Variants in IL17RD observed in about 807,000 individuals in gnomAD.
IL17RD encodes interleukin-17 receptor D.
A neutral mutation model predicts 80.5 loss-of-function variants in IL17RD; 52 were observed. That is an observed-to-expected ratio of 0.65 (90% CI 0.52 to 0.81). The LOEUF (loss-of-function observed/expected upper bound fraction) is 0.81. IL17RD is among the 40% of genes least tolerant of loss of function. IL17RD has a pLI of 0.00. For missense variants in IL17RD, 1,024 were observed against 955.1 expected (o/e 1.07, Z -0.95); for synonymous variants, 416 against 391.8 (o/e 1.06, Z -0.73).
At chr3:57,126,154 T>G (rs544387316) in intron 1 of IL17RD, among the ~76,000 whole-genome samples, 19 of 152,352 alleles carry the variant, frequency 1.2e-4, no homozygotes, top group Middle Eastern at 3.4e-3. Context: ...GCCTGTTACT[T>G]GAAAACTATA....
intron 1 of IL17RD, among the ~76,000 whole-genome samples, chr3:57,157,927 G>T (rs1008285326): frequency 6.6e-6 from 1 of 152,016 alleles, no homozygotes. Context: ...TTCAATGGGG[G>T]GAAAAGATCT....
In IL17RD at chr3:57,091,976, A is replaced by G. The variant is rs1706565011; in HGVS notation, c.*4417T>C. 1.3e-5 allele frequency: 2 copies of G among 152,482 alleles called. No homozygotes were observed. Among genetic ancestry groups the G allele is most frequent in the African/African-American group, 4.8e-5 (2 of 41,452 alleles). 9.4% of individuals were successfully genotyped at this position (152,482 alleles called of 1,614,324 possible). A position where few individuals can be genotyped will look rare whatever the true frequency, so the allele number is the denominator to read the frequency against. ...TTTCCTTTTGTCTATTTTCACTCTG[A>G]GCCTGGAAAGGAGGTGATATGGCAA... On this transcript the variant is annotated 3_prime_UTR_variant, in exon 13 of 13. Transcript: ENST00000296318.
At chr3:57,123,818 T>G (rs1359122891) in intron 1 of IL17RD, among the ~76,000 whole-genome samples, 1 of 152,076 alleles carries the variant, frequency 6.6e-6, no homozygotes, top group Non-Finnish European at 1.5e-5. Context: ...CCGAGGCAGG[T>G]GGATCACCTG....
At chr3:57,169,996 C>T (rs1312446869), upstream of IL17RD, among the ~76,000 whole-genome samples, 2 of 152,200 alleles carry the variant, frequency 1.3e-5, no homozygotes, top group African/African-American at 2.4e-5. Flanking sequence ...AACCGGACCC[C>T]GATCGCCTGG....
chr3:57,119,224 C>T (rs551887466), intron 2 of IL17RD, among the ~76,000 whole-genome samples: 4 of 152,144 alleles, frequency 2.6e-5, no homozygotes, highest in South Asian at 2.1e-4. Context: ...TGGTGGCAGG[C>T]GCCTGTAGTC....
chr3:57,154,283 T>TATATATATATATATACACACACACAC (rs904157398), intron 1 of IL17RD, among the ~76,000 whole-genome samples: 2 of 112,906 alleles, frequency 1.8e-5, no homozygotes, highest in African/African-American at 6.3e-5. Flanking sequence ...TATATATATA[T>TATATATATATATATACACACACACAC]ACACACACAC....
intron 1 of IL17RD, among the ~76,000 whole-genome samples, chr3:57,154,283 T>TACACATATACACACAC (rs1553628628): frequency 0.031 from 3,490 of 112,824 alleles, 65 homozygotes; most frequent in South Asian, 0.065. Flanking sequence ...TATATATATA[T>TACACATATACACACAC]ACACACACAC....
At chr3:57,154,820 AT>A (rs1007894201) in intron 1 of IL17RD, among the ~76,000 whole-genome samples, 1 of 151,366 alleles carries the variant, frequency 6.6e-6, no homozygotes, top group African/African-American at 2.4e-5. Flanking sequence ...AGGCAATGCC[AT>A]TTTTTTTTGT....
At chr3:57,161,732 G>GA (rs2060306771) in intron 1 of IL17RD, among the ~76,000 whole-genome samples, 1 of 152,202 alleles carries the variant, frequency 6.6e-6, no homozygotes, top group Non-Finnish European at 1.5e-5. Flanking sequence ...AGGGGAGGGA[G>GA]AACTTCAGTA....
At position 57,127,412 on chromosome 3, in the gene IL17RD, A is replaced by ATATATTTT. The variant is rs1246159104; in HGVS notation, c.127-7100_127-7099insAAAATATA. Among the ~76,000 whole-genome samples the ATATATTTT allele has an allele frequency of 1.0e-3, 92 of 91,188 alleles. 3 individuals are homozygous for ATATATTTT. The highest frequency in any genetic ancestry group is 4.2e-3 in the African/African-American group (85 of 20,466). 59.8% of individuals were successfully genotyped at this position (91,188 alleles called of 152,430 possible). On this transcript the variant is annotated intron_variant, in intron 1 of 12. Coordinates refer to ENST00000296318, the MANE Select transcript of IL17RD (RefSeq NM_017563.5). ...AATAAATAAATATATATATATATAT[A>ATATATTTT]TTTTTTTTTTGAGATAAGAGTCTTG...
chr3:57,145,925 AT>A (rs938066308), intron 1 of IL17RD, among the ~76,000 whole-genome samples: 2 of 151,952 alleles, frequency 1.3e-5, no homozygotes, highest in African/African-American at 4.8e-5. Context: ...CAAGATCGGG[AT>A]TTTTTTTAAA....
Position 57,105,934 on chromosome 3 carries a change from T to C in IL17RD, c.670A>G (p.Asn224Asp). The C allele has an allele frequency of 1.2e-6, 2 of 1,613,790 alleles. No individual in the cohort carries two copies. Among genetic ancestry groups the C allele is most frequent in the African/African-American group, 2.7e-5 (2 of 74,896 alleles). Residue 224 changes from asparagine to aspartate, a missense_variant, in exon 7 of 13, where the codon AAC (asparagine) becomes GAC (aspartate). Physicochemically the swap from Asn to Asp is conservative, Grantham distance 23 (BLOSUM62 1). Coordinates refer to ENST00000296318, the MANE Select transcript of IL17RD (RefSeq NM_017563.5). ...MQVSFDHAPH[N>D]FGFRFFYLHY... ...AGATAGAAGAAACGGAAGCCGAAGT[T>C]GTGCGGTGCATGGTCGAAGGACACC...
At chr3:57,165,969 C>G (rs896506173), upstream of IL17RD, among the ~76,000 whole-genome samples, 3 of 152,180 alleles carry the variant, frequency 2.0e-5, no homozygotes, top group Admixed American at 2.0e-4. Flanking sequence ...AGGCTACAAT[C>G]TATCATTAAC....
chr3:57,098,170 C>A lies in IL17RD; in HGVS notation c.1533G>T (p.Leu511Phe). 1 of 1,613,966 alleles carries A rather than the reference C, an allele frequency of 6.2e-7. No homozygotes were observed. Among genetic ancestry groups the A allele is most frequent in the Non-Finnish European group, 8.5e-7 (1 of 1,179,854 alleles). Residue 511 changes from leucine (L) to phenylalanine (F), a missense_variant, in exon 12 of 13, where the codon TTG (leucine) becomes TTT (phenylalanine). Coordinates refer to ENST00000296318, the MANE Select transcript of IL17RD (RefSeq NM_017563.5). The part of the protein sequence containing the change: ...MDNLPQLCSH[L>F]HSRDHGLQEP... ...CCTGGAGGCCGTGGTCTCGGGAGTG[C>A]AAGTGGGAACAGAGCTGAGGAAGAT...
intron 1 of IL17RD, among the ~76,000 whole-genome samples, chr3:57,123,341 G>C (rs1397840626): frequency 6.6e-6 from 1 of 152,192 alleles, no homozygotes; most frequent in Admixed American, 6.5e-5. Flanking sequence ...TGTCCCTCCA[G>C]ATCATTCCTG....
chr3:57,143,474 A>C (rs1019012982), intron 1 of IL17RD, among the ~76,000 whole-genome samples: 67 of 152,202 alleles, frequency 4.4e-4, no homozygotes, highest in African/African-American at 1.6e-3. Context: ...CTAGAGTGCA[A>C]GGAACATCTC....
intron 1 of IL17RD, among the ~76,000 whole-genome samples, chr3:57,154,868 G>C (rs2060257145): frequency 1.3e-5 from 2 of 152,138 alleles, no homozygotes; most frequent in South Asian, 4.1e-4. Context: ...GCCTTCTAAG[G>C]ATTTCATTAA....
At position 57,097,987 on chromosome 3, in the gene IL17RD, C is replaced by T. The variant is rs759099962; in HGVS notation, c.1716G>A (p.Leu572=). 10 of 1,613,918 alleles carry T rather than the reference C, an allele frequency of 6.2e-6. No individual in the cohort carries two copies. The highest frequency in any genetic ancestry group is 8.5e-6 in the Non-Finnish European group (10 of 1,179,904). The change falls in exon 12 of 13, where the codon CTG becomes CTA. Residue 572 remains leucine (L), a synonymous_variant. Coordinates refer to ENST00000296318, the MANE Select transcript of IL17RD (RefSeq NM_017563.5). ...KQFVPFHPPP[L]RYREPVLEKF... ...TCTCCAAGACTGGCTCCCGGTAGCGCAGTGGAGGAGGATGGAAGGGAACGA... is the reference window on the plus strand; with the variant it reads ...TCTCCAAGACTGGCTCCCGGTAGCGTAGTGGAGGAGGATGGAAGGGAACGA...
rs1706957881 is a variant in IL17RD at position 57,106,066 on chromosome 3, T to A, written c.595+44A>T. The A allele has an allele frequency of 2.5e-6, 4 of 1,611,592 alleles. No homozygotes were observed. In the South Asian group the frequency reaches 3.3e-5, roughly 13 times the overall value. The stretch of plus-strand genomic sequence containing the variant: ...AGAGGCTACCCTAACACCATCATAG[T>A]GGCGATACTTTGAGACTTGATAGAT... On this transcript the variant is annotated intron_variant, in intron 6 of 12. Transcript: ENST00000296318.
Sources: gnomAD v4.1 joint callset for allele counts (sites outside exome capture counted in the v4.1 genomes callset) on GRCh38, gnomAD v4.1.1 for gene constraint, MANE v1.5 for transcripts, NCBI Gene and HGNC (gene_info 2026-07-23, HGNC 2026-07-21) for gene names.